The following SPOCK1 variants were observed in gnomAD, a reference collection of about 807,000 sequenced individuals.
SPOCK1 encodes testican-1.
Under a neutral mutation model 55.3 loss-of-function variants are expected in SPOCK1, and 23 were observed. The observed-to-expected ratio is 0.42, with a 90% CI of 0.30 to 0.59. SPOCK1 has a LOEUF of 0.59. Ranked by LOEUF, SPOCK1 falls within the 20% of genes least tolerant of loss-of-function variation. The probability of loss-of-function intolerance (pLI) is 0.22; values close to 1 mark genes in which losing one functional copy is unlikely to be tolerated. For synonymous variants in SPOCK1, 226 were observed against 221.0 expected (o/e 1.02, Z -0.20); for missense variants, 499 against 552.5 (o/e 0.90, Z 0.97).
At chr5:137,178,612 G>A (rs1221544317) in intron 3 of SPOCK1, among the ~76,000 whole-genome samples, 1 of 152,188 alleles carries the variant, frequency 6.6e-6, no homozygotes, top group Non-Finnish European at 1.5e-5. Context: ...GTCTGCGGGG[G>A]AAGAAGGGAA....
chr5:137,480,528 A>C (rs1015680582), intron 2 of SPOCK1, among the ~76,000 whole-genome samples: 1 of 152,210 alleles, frequency 6.6e-6, no homozygotes, highest in Non-Finnish European at 1.5e-5. Flanking sequence ...AAGAGAGATT[A>C]GGATGTCTGA....
At chr5:137,268,095 CTG>C (rs1479084342) in intron 2 of SPOCK1, among the ~76,000 whole-genome samples, 1 of 152,174 alleles carries the variant, frequency 6.6e-6, no homozygotes, top group Non-Finnish European at 1.5e-5. Context: ...ATTGTCCATG[CTG>C]TGTTCTGATG....
chr5:137,307,924 C>G (rs1278509977), intron 2 of SPOCK1, among the ~76,000 whole-genome samples: 1 of 152,130 alleles, frequency 6.6e-6, no homozygotes, highest in Non-Finnish European at 1.5e-5. Context: ...CTGCACTAAA[C>G]CAGGTATGCA....
intron 3 of SPOCK1, among the ~76,000 whole-genome samples, chr5:137,176,561 T>A (rs925762994): frequency 6.6e-6 from 1 of 151,934 alleles, no homozygotes; most frequent in Non-Finnish European, 1.5e-5. Flanking sequence ...CGTATGTATA[T>A]TTACCTTACT....
intron 2 of SPOCK1, among the ~76,000 whole-genome samples, chr5:137,462,750 AG>A (rs1753515446): frequency 6.6e-6 from 1 of 152,356 alleles, no homozygotes; most frequent in South Asian, 2.1e-4. Flanking sequence ...TGCCCTTAAA[AG>A]GTTAAGAGAG....
intron 3 of SPOCK1, among the ~76,000 whole-genome samples, chr5:137,165,331 A>G (rs10058936): frequency 0.41 from 35,666 of 86,700 alleles, 4,542 homozygotes; most frequent in Non-Finnish European, 0.44. Context: ...TGGTACTTCT[A>G]TCAGTCTACA....
chr5:137,417,463 A>C (rs553357808), intron 2 of SPOCK1, among the ~76,000 whole-genome samples: 1 of 152,068 alleles, frequency 6.6e-6, no homozygotes, highest in Admixed American at 6.5e-5. Context: ...CACCACACCA[A>C]TCAGTCAAGA....
At chr5:137,306,310 T>C (rs1757700129) in intron 2 of SPOCK1, among the ~76,000 whole-genome samples, 1 of 152,202 alleles carries the variant, frequency 6.6e-6, no homozygotes. Context: ...CTGTTTAAAA[T>C]GGAAGTTCTC....
intron 2 of SPOCK1, among the ~76,000 whole-genome samples, chr5:137,371,744 T>A (rs1751206229): frequency 6.6e-6 from 1 of 152,192 alleles, no homozygotes; most frequent in African/African-American, 2.4e-5. Flanking sequence ...GATAAGATGA[T>A]GATGACGATA....
At chr5:137,230,751 T>A (rs536851016) in intron 3 of SPOCK1, among the ~76,000 whole-genome samples, 1 of 152,314 alleles carries the variant, frequency 6.6e-6, no homozygotes, top group South Asian at 2.1e-4. Context: ...ATTTTTTTGT[T>A]GAGATCATTG....
chr5:137,263,814 A>G (rs1189331319), intron 3 of SPOCK1, among the ~76,000 whole-genome samples: 2 of 152,096 alleles, frequency 1.3e-5, no homozygotes, highest in Non-Finnish European at 1.5e-5. Context: ...TGGCCATTAT[A>G]CTCCACTGAC....
At chr5:137,136,284 T>C (rs561168575) in intron 4 of SPOCK1, among the ~76,000 whole-genome samples, 1 of 152,280 alleles carries the variant, frequency 6.6e-6, no homozygotes, top group Admixed American at 6.5e-5. Flanking sequence ...GTATAGTATG[T>C]TATATAATGA....
At chr5:137,001,949 C>A (rs990464347) in intron 6 of SPOCK1, among the ~76,000 whole-genome samples, 16 of 152,134 alleles carry the variant, frequency 1.1e-4, no homozygotes, top group African/African-American at 3.9e-4. Context: ...CCAGGTTATG[C>A]CTGCTCAAAT....
Position 137,377,289 on chromosome 5 carries a change from C to G in SPOCK1, c.187-110234G>C, listed in dbSNP as rs181218235. ...GGGCCTCCCCTGGGAGAATCTGATG[C>G]CTCTGCAACACAGGACTCTGACAGG... On this transcript the variant is annotated intron_variant, in intron 2 of 10. Transcript: ENST00000394945. Among the ~76,000 whole-genome samples the G allele has an allele frequency of 4.3e-4, 66 of 152,298 alleles. 1 individual carries two copies. Among genetic ancestry groups the G allele is most frequent in the African/African-American group, 1.3e-3 (56 of 41,566 alleles).
intron 3 of SPOCK1, among the ~76,000 whole-genome samples, chr5:137,218,525 T>A (rs1270779330): frequency 6.6e-6 from 1 of 152,246 alleles, no homozygotes; most frequent in Non-Finnish European, 1.5e-5. Context: ...TAACAAATAT[T>A]TGAAGTTGGA....
rs145707589 is a variant in SPOCK1, at chr5:137,360,471, TA to T, written c.187-93417del. 5.4e-3 allele frequency among the ~76,000 whole-genome samples: 820 copies of T among 152,230 alleles called. 1 individual carries two copies. Among genetic ancestry groups the T allele is most frequent in the African/African-American group, 0.019 (803 of 41,550 alleles). On this transcript the variant is annotated intron_variant, in intron 2 of 10. Transcript: ENST00000394945. The stretch of plus-strand genomic sequence containing the variant: ...CAAAAGGCAAGAGTACTTCCAAATA[TA>T]CCCTTCCTAGGATGCACCCTTAAGT...
intron 2 of SPOCK1, among the ~76,000 whole-genome samples, chr5:137,402,240 G>C (rs1015873937): frequency 6.6e-6 from 1 of 152,102 alleles, no homozygotes; most frequent in Non-Finnish European, 1.5e-5. Context: ...GAAGCTGTTA[G>C]GTTTCTCTTG....
At chr5:137,203,611 G>A (rs1240906298) in intron 3 of SPOCK1, among the ~76,000 whole-genome samples, 1 of 151,972 alleles carries the variant, frequency 6.6e-6, no homozygotes, top group Admixed American at 6.6e-5. Flanking sequence ...TTACCTGAAG[G>A]GTAATGTGTG....
At chr5:137,299,442 G>A (rs952895755) in intron 2 of SPOCK1, among the ~76,000 whole-genome samples, 1 of 151,554 alleles carries the variant, frequency 6.6e-6, no homozygotes, top group Non-Finnish European at 1.5e-5. Context: ...ATATAGTCCT[G>A]TATACATTTA....
Sources: allele counts gnomAD v4.1 joint callset (sites outside exome capture counted in the v4.1 genomes callset), GRCh38; gene constraint gnomAD v4.1.1; transcripts MANE v1.5; gene names NCBI Gene and HGNC (gene_info 2026-07-23, HGNC 2026-07-21).